CCDC157: variants seen among roughly 807,000 people sequenced by gnomAD.
The protein encoded by CCDC157 is coiled-coil domain-containing protein 157.
CCDC157 carries 60 observed loss-of-function variants against 70.9 expected under a neutral mutation model. The observed-to-expected ratio is 0.85, with a 90% CI of 0.69 to 1.05. CCDC157 has a LOEUF of 1.05. CCDC157 is among the 50% of genes least tolerant of loss of function. The pLI, the probability that CCDC157 is intolerant of heterozygous loss-of-function variation, is 0.00. For synonymous variants in CCDC157, 373 were observed against 422.4 expected, an observed-to-expected ratio of 0.88 and a Z score of 1.43; for missense variants, 943 against 984.2, an observed-to-expected ratio of 0.96 and a Z score of 0.56.
intron 7 of CCDC157, 103 bp from the exon 8 acceptor site, chr22:30,373,494 G>T (rs1215326398): frequency 3.9e-6 from 5 of 1,293,318 alleles, no homozygotes; most frequent in South Asian, 1.4e-5. Flanking sequence ...CCCCAGGGGG[G>T]TAGCAGCCGA....
chr22:30,371,738 C>T lies in CCDC157; in HGVS notation c.1123+11C>T. ...CCACACAGGCTGTGGGTAAGGAGCC[C>T]CATCATAGGCCCCCATGCCACATCT... On this transcript the variant is annotated intron_variant, in intron 6 of 11. Transcript: ENST00000338306. 2 of 1,605,310 alleles carry T rather than the reference C, an allele frequency of 1.2e-6. No homozygotes were observed. The highest frequency in any genetic ancestry group is 1.1e-5 in the South Asian group (1 of 90,934).
chr22:30,360,109 A>C (rs1288537284), intron 1 of CCDC157, among the ~76,000 whole-genome samples: 1 of 152,234 alleles, frequency 6.6e-6, no homozygotes, highest in Non-Finnish European at 1.5e-5. Flanking sequence ...GCACCACTGC[A>C]CTGCAGCCTG....
intron 7 of CCDC157, 117 bp downstream of exon 7, chr22:30,372,403 T>C: frequency 7.5e-7 from 1 of 1,335,980 alleles, no homozygotes; most frequent in Non-Finnish European, 9.9e-7. Flanking sequence ...CTGAGATGCC[T>C]CCAGGTGTGG....
At chr22:30,373,227 T>C (rs181525980) in intron 7 of CCDC157, 3 of 232,668 alleles carry the variant, frequency 1.3e-5, no homozygotes, top group Non-Finnish European at 1.7e-5. Flanking sequence ...TTCAGCAACA[T>C]GGGATGATGT....
At chr22:30,376,128 C>T (rs1039524518) in intron 10 of CCDC157, 131 bp from the exon 11 acceptor site, 3 of 758,180 alleles carry the variant, frequency 4.0e-6, no homozygotes, top group Non-Finnish European at 6.5e-6. Context: ...TAGGCCCTGC[C>T]CCTAGGTGAA....
intron 2 of CCDC157, among the ~76,000 whole-genome samples, chr22:30,363,044 G>A (rs917903584): frequency 6.6e-6 from 1 of 152,178 alleles, no homozygotes; most frequent in Non-Finnish European, 1.5e-5. Context: ...AGGACAAGGG[G>A]CCCCTGCTGG....
chr22:30,375,759 C>A lies in CCDC157; in HGVS notation c.1857+96C>A, dbSNP rs1450246947. The A allele has an allele frequency of 2.8e-6, 3 of 1,072,374 alleles. No individual in the cohort carries two copies. The African/African-American group carries it at 4.8e-5, about 17-fold the overall frequency. 66.4% of individuals were successfully genotyped at this position (1,072,374 alleles called of 1,614,324 possible). On this transcript the variant is annotated intron_variant, in intron 10 of 11. Coordinates refer to ENST00000338306, the MANE Select transcript of CCDC157 (RefSeq NM_001017437.5). Reference sequence around the variant, plus strand: ...GCCCCGGGAACTTGTGGAGAGCCCACCTCATCACATGAGGCCTTAGGCTGT... The same window carrying A: ...GCCCCGGGAACTTGTGGAGAGCCCAACTCATCACATGAGGCCTTAGGCTGT...
intron 3 of CCDC157, among the ~76,000 whole-genome samples, chr22:30,367,863 G>C (rs780262886): frequency 3.3e-5 from 5 of 152,028 alleles, no homozygotes; most frequent in African/African-American, 1.2e-4. Flanking sequence ...CCTGGCCAAC[G>C]AACAGGGTGA....
intron 1 of CCDC157, among the ~76,000 whole-genome samples, chr22:30,361,746 C>G (rs912291312): frequency 6.6e-6 from 1 of 152,186 alleles, no homozygotes; most frequent in Non-Finnish European, 1.5e-5. Flanking sequence ...GAGGCAGATT[C>G]AGGGAAGTGG....
chr22:30,358,581 C>T (rs1354468495), intron 1 of CCDC157, among the ~76,000 whole-genome samples: 1 of 152,230 alleles, frequency 6.6e-6, no homozygotes, highest in Admixed American at 6.5e-5. Flanking sequence ...ACCAGGCACC[C>T]TGGCTGGGAA....
chr22:30,374,764 C>T (rs985520482), intron 9 of CCDC157: 1 of 455,790 alleles, frequency 2.2e-6, no homozygotes, highest in African/African-American at 2.0e-5. Context: ...GGCAGCAATT[C>T]TCCCGGGCTC....
intron 5 of CCDC157, 78 bp from the exon 6 acceptor site, chr22:30,371,572 C>T (rs974702033): frequency 1.2e-5 from 15 of 1,219,780 alleles, no homozygotes; most frequent in Non-Finnish European, 1.8e-5. Context: ...GCCTCCACTC[C>T]ACGGGGCACA....
At position 30,366,154 on chromosome 22, in the gene CCDC157, A is replaced by G; in HGVS notation, c.154A>G (p.Met52Val). The G allele has an allele frequency of 1.2e-6, 2 of 1,613,830 alleles. No homozygotes were observed. The highest frequency in any genetic ancestry group is 1.7e-6 in the Non-Finnish European group (2 of 1,180,020). ...FPDRMACDLDMVALLEHYDHV... is the reference protein window; with the variant it reads ...FPDRMACDLDVVALLEHYDHV... The stretch of plus-strand genomic sequence containing the variant: ...TGACCGCATGGCCTGTGACCTCGAC[A>G]TGGTGGCCCTGCTGGAGCACTATGA... Residue 52 changes from methionine to valine, a missense_variant, in exon 3 of 12, where the codon ATG becomes GTG. By Grantham distance (21) the Met-to-Val change is conservative (BLOSUM62 1). Transcript: ENST00000338306.
At position 30,376,812 on chromosome 22, in the gene CCDC157, G is replaced by C; in HGVS notation, c.*67G>C. ...GCCCACCCACTGTAATAAAGCCCCAGCCATTGGCCCACAGCAATCTTTGCC... is the reference window on the plus strand; with the variant it reads ...GCCCACCCACTGTAATAAAGCCCCACCCATTGGCCCACAGCAATCTTTGCC... On this transcript the variant is annotated 3_prime_UTR_variant, in exon 12 of 12. Transcript: ENST00000338306. 1 of 1,459,148 alleles carries C rather than the reference G, an allele frequency of 6.9e-7. No homozygotes were observed. The highest frequency in any genetic ancestry group is 9.4e-7 in the Non-Finnish European group (1 of 1,067,374). The allele number at this position is 1,459,148 out of a possible 1,614,324, so 90.4% of individuals were successfully genotyped here.
intron 7 of CCDC157, chr22:30,372,908 G>C (rs1171651314): frequency 6.5e-6 from 1 of 153,276 alleles, no homozygotes; most frequent in Non-Finnish European, 1.5e-5. Context: ...CCCAGGGTAG[G>C]GGAAGCCTTT....
intron 1 of CCDC157, among the ~76,000 whole-genome samples, chr22:30,359,008 C>G (rs552531262): frequency 1.3e-5 from 2 of 152,208 alleles, no homozygotes; most frequent in Non-Finnish European, 2.9e-5. Flanking sequence ...TGCTGCTTAT[C>G]TGATCCAGGA....
chr22:30,356,785 G>A (rs1221101179), upstream of CCDC157: 3 of 1,425,800 alleles, frequency 2.1e-6, no homozygotes, highest in Admixed American at 2.6e-5. Context: ...CACGGGTCCG[G>A]CCGGCATGAC....
At chr22:30,360,939 C>T (rs1453258721) in intron 1 of CCDC157, among the ~76,000 whole-genome samples, 1 of 152,056 alleles carries the variant, frequency 6.6e-6, no homozygotes, top group Non-Finnish European at 1.5e-5. Flanking sequence ...CCCACCTACT[C>T]AGGAGGCTGA....
chr22:30,360,822 T>C (rs13057340), intron 1 of CCDC157, among the ~76,000 whole-genome samples: 30,642 of 151,850 alleles, frequency 0.2, 3,350 homozygotes, highest in Middle Eastern at 0.35. Flanking sequence ...CTGAGGTAGG[T>C]GGATCATGAG....
Sources: gnomAD v4.1 joint callset for allele counts (sites outside exome capture counted in the v4.1 genomes callset) on GRCh38, gnomAD v4.1.1 for gene constraint, MANE v1.5 for transcripts, NCBI Gene and HGNC (gene_info 2026-07-23, HGNC 2026-07-21) for gene names.